SLC25A43: variants seen among roughly 807,000 people sequenced by gnomAD.
SLC25A43 encodes the protein solute carrier family 25, member 43.
Under a neutral mutation model 22.8 loss-of-function variants are expected in SLC25A43, and 10 were observed. The observed-to-expected ratio is 0.44, with a 90% confidence interval of 0.27 to 0.74. SLC25A43 has a LOEUF of 0.74. SLC25A43 is among the 30% of genes least tolerant of loss of function. SLC25A43 has a pLI of 0.17. For missense variants in SLC25A43, 233 were observed against 279.1 expected (o/e 0.83, Z 1.18); for synonymous variants, 106 against 121.6 (o/e 0.87, Z 0.84).
intron 3 of SLC25A43, among the ~76,000 whole-genome samples, chrX:119,410,579 G>T (rs1321969981): frequency 9.0e-6 from 1 of 111,725 alleles, no homozygotes; most frequent in African/African-American, 3.3e-5. Flanking sequence ...CCCATCCTCT[G>T]TTTTTTGGTC....
At chrX:119,418,136 C>T (rs1027543038) in intron 3 of SLC25A43, among the ~76,000 whole-genome samples, 4 of 111,161 alleles carry the variant, frequency 3.6e-5, no homozygotes, top group Non-Finnish European at 3.8e-5. Flanking sequence ...TGCTTGAAAT[C>T]CATCTTTGGT....
intron 1 of SLC25A43, among the ~76,000 whole-genome samples, chrX:119,406,099 A>G (rs1231639742): frequency 2.7e-5 from 3 of 112,027 alleles, no homozygotes; most frequent in Non-Finnish European, 3.8e-5. Context: ...TTCCTTTTTA[A>G]GTTTCAACAG....
chrX:119,451,195 G>A (rs934660045), intron 3 of SLC25A43, among the ~76,000 whole-genome samples: 1 of 111,179 alleles, frequency 9.0e-6, no homozygotes, highest in East Asian at 2.8e-4. Context: ...AGGAGAAAAC[G>A]TTCCTTTCAG....
At chrX:119,442,128 G>A (rs780508607) in intron 3 of SLC25A43, among the ~76,000 whole-genome samples, 1 of 111,900 alleles carries the variant, frequency 8.9e-6, no homozygotes, top group Non-Finnish European at 1.9e-5. Context: ...TACAAGAATG[G>A]ACTCCCAGTG....
At chrX:119,410,159 G>A (rs767757868) in intron 2 of SLC25A43, 31 bp from the exon 3 acceptor site, 1 of 1,201,995 alleles carries the variant, frequency 8.3e-7, no homozygotes, top group Non-Finnish European at 1.1e-6. Context: ...TCCCAAGACA[G>A]CAGCAGCTTC....
At chrX:119,444,416 G>T (rs776201926) in intron 3 of SLC25A43, among the ~76,000 whole-genome samples, 16 of 111,465 alleles carry the variant, frequency 1.4e-4, no homozygotes, top group Non-Finnish European at 2.6e-4. Flanking sequence ...TTGAAATAAA[G>T]AAATTGAGGC....
intron 3 of SLC25A43, among the ~76,000 whole-genome samples, chrX:119,412,097 G>A (rs911548270): frequency 2.7e-5 from 3 of 110,696 alleles, no homozygotes; most frequent in African/African-American, 9.9e-5. Context: ...CCCCGCTCCC[G>A]CTTTCCCTCT....
intron 3 of SLC25A43, chrX:119,434,906 C>A (rs188472272): frequency 9.0e-6 from 1 of 110,525 alleles, no homozygotes; most frequent in East Asian, 2.8e-4. Flanking sequence ...TCACTTCTTC[C>A]TGGGTTCAAG....
At chrX:119,446,835 T>G (rs1246074611) in intron 3 of SLC25A43, among the ~76,000 whole-genome samples, 1 of 112,521 alleles carries the variant, frequency 8.9e-6, no homozygotes, top group Non-Finnish European at 1.9e-5. Flanking sequence ...GACCCAGTCC[T>G]CAGAGTTCAC....
At chrX:119,411,280 C>T (rs2052347827) in intron 3 of SLC25A43, among the ~76,000 whole-genome samples, 1 of 111,481 alleles carries the variant, frequency 9.0e-6, no homozygotes, top group Non-Finnish European at 1.9e-5. Context: ...GTGGGCGGAT[C>T]CCCTGAGGTC....
chrX:119,402,511 G>A (rs758658796), intron 1 of SLC25A43, among the ~76,000 whole-genome samples: 4 of 112,028 alleles, frequency 3.6e-5, no homozygotes, highest in African/African-American at 1.3e-4. Context: ...CTCTGAAATT[G>A]TTCATAACCA....
At position 119,425,277 on chromosome X, in the gene SLC25A43, G is replaced by C. The variant is rs550277771; in HGVS notation, c.690+14915G>C. On this transcript the variant is annotated intron_variant, in intron 3 of 4. Transcript: ENST00000217909. ...TGGGAAGAAAGCCCGCCTACCACAG[G>C]GGGCAGGGCTGGGAGCAGAAGCAAA... Among the ~76,000 whole-genome samples the C allele has an allele frequency of 2.1e-4, 23 of 112,003 alleles. No individual in the cohort carries two copies. In the East Asian group the frequency reaches 6.2e-3, roughly 30 times the overall value.
intron 3 of SLC25A43, among the ~76,000 whole-genome samples, chrX:119,417,296 C>T (rs1262715350): frequency 1.8e-5 from 2 of 110,079 alleles, no homozygotes; most frequent in African/African-American, 3.3e-5. Flanking sequence ...TGTGTTGGCA[C>T]GTGCCTGTAG....
At chrX:119,451,540 G>GC (rs2052707650) in intron 3 of SLC25A43, among the ~76,000 whole-genome samples, 1 of 111,953 alleles carries the variant, frequency 8.9e-6, no homozygotes, top group African/African-American at 3.2e-5. Context: ...TTTGGGAACA[G>GC]CAACAGAGAG....
rs1217189493 is a variant in SLC25A43 at position 119,414,600 on chromosome X, T to C, written c.690+4238T>C. Among the ~76,000 whole-genome samples, 7 of 111,879 alleles carry C rather than the reference T, an allele frequency of 6.3e-5. No individual in the cohort carries two copies. The Admixed American group carries it at 6.7e-4, about 11-fold the overall frequency. ...TGGAGTGGTGATGTTTTGTTGTACA[T>C]ATTTTTAGAATTTTATCTAATTATA... On this transcript the variant is annotated intron_variant, in intron 3 of 4. Coordinates refer to ENST00000217909, the MANE Select transcript of SLC25A43 (RefSeq NM_145305.3).
At chrX:119,433,391 C>T (rs776838212) in intron 3 of SLC25A43, among the ~76,000 whole-genome samples, 9 of 111,760 alleles carry the variant, frequency 8.1e-5, no homozygotes, top group Non-Finnish European at 1.1e-4. Context: ...AAATGTCAAA[C>T]TCATCTTAAA....
In SLC25A43 at chrX:119,403,148, G is replaced by A. The variant is rs182729561; in HGVS notation, c.276-3312G>A. Among the ~76,000 whole-genome samples the A allele has an allele frequency of 3.8e-3, 424 of 111,037 alleles. 3 individuals are homozygous for A. Among genetic ancestry groups the A allele is most frequent in the African/African-American group, 0.013 (400 of 30,543 alleles). ...ATTGTAGACCTTCAATAAATGAGTA[G>A]TGAATTAACTATGCCCTAGAAGTGA... On this transcript the variant is annotated intron_variant, in intron 1 of 4. Transcript: ENST00000217909.
intron 3 of SLC25A43, among the ~76,000 whole-genome samples, chrX:119,422,398 G>A (rs762558222): frequency 1.8e-5 from 2 of 111,716 alleles, no homozygotes; most frequent in East Asian, 2.8e-4. Context: ...GTAGTCTCCC[G>A]CTCCTGAATG....
chrX:119,452,504 A>AC (rs1196247781), intron 4 of SLC25A43, among the ~76,000 whole-genome samples: 1 of 110,970 alleles, frequency 9.0e-6, no homozygotes, highest in Non-Finnish European at 1.9e-5. Flanking sequence ...AAAAAAAAAA[A>AC]AAACAAAAAC....
Sources: gnomAD v4.1 joint callset for allele counts (sites outside exome capture counted in the v4.1 genomes callset) on GRCh38, gnomAD v4.1.1 for gene constraint, MANE v1.5 for transcripts, NCBI Gene and HGNC (gene_info 2026-07-23, HGNC 2026-07-21) for gene names.